The following IL1RAP variants were observed in gnomAD, a reference collection of about 807,000 sequenced individuals.
IL1RAP encodes the protein interleukin-1 receptor accessory protein.
IL1RAP carries 35 observed loss-of-function variants against 60.7 expected under a neutral mutation model. That is an observed-to-expected ratio of 0.58 (90% CI 0.44 to 0.76). The LOEUF is 0.76. IL1RAP is among the 30% of genes least tolerant of loss of function. The pLI, the probability that IL1RAP is intolerant of heterozygous loss-of-function variation, is 0.00. For synonymous variants in IL1RAP, 268 were observed against 250.9 expected (o/e 1.07, Z -0.64); for missense variants, 572 against 693.9 (o/e 0.82, Z 1.97).
rs912868972 is a variant in IL1RAP at position 190,556,148 on chromosome 3, C to T, written c.-70C>T. On this transcript the variant is annotated 5_prime_UTR_variant, in exon 2 of 12. Coordinates refer to ENST00000447382, the MANE Select transcript of IL1RAP (RefSeq NM_002182.4). ...TACATAGGCATCGTCATGTGATCAT[C>T]ACCTAAGAACTAGAACATCAGCAGG... 3.3e-5 allele frequency: 5 copies of T among 152,114 alleles called. No homozygotes were observed. The highest frequency in any genetic ancestry group is 1.2e-4 in the African/African-American group (5 of 41,418). 9.4% of individuals were successfully genotyped at this position (152,114 alleles called of 1,614,324 possible).
chr3:190,590,506 C>T (rs962993540), intron 3 of IL1RAP, among the ~76,000 whole-genome samples: 55 of 152,122 alleles, frequency 3.6e-4, no homozygotes, highest in African/African-American at 1.2e-3. Context: ...CTGCCCGCCT[C>T]GGCCTCCCAA....
intron 9 of IL1RAP, among the ~76,000 whole-genome samples, chr3:190,634,708 T>G (rs1358686991): frequency 1.7e-5 from 2 of 118,822 alleles, no homozygotes; most frequent in Non-Finnish European, 1.7e-5. Flanking sequence ...GCCTGTTGTG[T>G]TTTTTTTTTT....
intron 1 of IL1RAP, among the ~76,000 whole-genome samples, chr3:190,522,381 ATCTATGTATCTT>A (rs1258408687): frequency 7.0e-6 from 1 of 142,478 alleles, no homozygotes. Context: ...CCTTCCTATT[ATCTATGTATCTT>A]TCTATGTATC....
chr3:190,592,967 A>T (rs569853121), intron 3 of IL1RAP, among the ~76,000 whole-genome samples: 1 of 152,156 alleles, frequency 6.6e-6, no homozygotes, highest in African/African-American at 2.4e-5. Flanking sequence ...CAGTGTAAAT[A>T]CCTGGTGCCA....
intron 3 of IL1RAP, 22 bp downstream of exon 3, chr3:190,564,375 A>G (rs1367697196): frequency 2.6e-6 from 4 of 1,522,394 alleles, no homozygotes; most frequent in Admixed American, 1.7e-5. Flanking sequence ...GCTTTTGACA[A>G]TGTATTAAAA....
chr3:190,610,725 AT>A (rs1465563259), intron 5 of IL1RAP, among the ~76,000 whole-genome samples: 4 of 152,174 alleles, frequency 2.6e-5, no homozygotes, highest in Non-Finnish European at 4.4e-5. Context: ...CCCGAGAGAA[AT>A]AAAAAATTCC....
chr3:190,620,228 A>C (rs1283247806), intron 5 of IL1RAP, 47 bp from the exon 6 acceptor site: 1 of 1,057,312 alleles, frequency 9.5e-7, no homozygotes, highest in Non-Finnish European at 1.4e-6. Flanking sequence ...TATGTTTTCT[A>C]TGCATGTATC....
intron 3 of IL1RAP, among the ~76,000 whole-genome samples, chr3:190,573,064 CGTT>C (rs1727122115): frequency 7.3e-5 from 3 of 40,980 alleles, no homozygotes; most frequent in Non-Finnish European, 1.8e-4. Flanking sequence ...GGGGTTTCAC[CGTT>C]TTAGCCGGGA....
chr3:190,519,690 G>T (rs538103633), intron 1 of IL1RAP, among the ~76,000 whole-genome samples: 1 of 151,870 alleles, frequency 6.6e-6, no homozygotes, highest in Non-Finnish European at 1.5e-5. Context: ...ATCCTTTCTT[G>T]ATTCTCTCCA....
Position 190,656,660 on chromosome 3 carries a change from A to T in IL1RAP, c.*53A>T, listed in dbSNP as rs542742497. On this transcript the variant is annotated 3_prime_UTR_variant, in exon 12 of 12. Coordinates refer to the IL1RAP transcript ENST00000317757. ...TATCTCTACCAACCCTCTGTATGTC[A>T]TGAACCTGTGGGAAAATCTGACATT... 18 of 1,048,650 alleles carry T rather than the reference A, an allele frequency of 1.7e-5. No individual in the cohort carries two copies. The African/African-American group carries it at 2.1e-4, about 12-fold the overall frequency. The allele number at this position is 1,048,650 out of a possible 1,614,324, so 65.0% of individuals were successfully genotyped here.
intron 3 of IL1RAP, among the ~76,000 whole-genome samples, chr3:190,599,710 T>G (rs1560201929): frequency 1.3e-5 from 2 of 151,218 alleles, no homozygotes; most frequent in African/African-American, 4.8e-5. Flanking sequence ...GGTTTTTTTT[T>G]TTTTTTGAAA....
At chr3:190,634,509 T>C (rs1279781674) in intron 9 of IL1RAP, among the ~76,000 whole-genome samples, 1 of 152,050 alleles carries the variant, frequency 6.6e-6, no homozygotes, top group Non-Finnish European at 1.5e-5. Context: ...TTCATATCTT[T>C]GTTCATGAAG....
At chr3:190,631,453 C>T (rs1268470585) in intron 9 of IL1RAP, among the ~76,000 whole-genome samples, 1 of 152,126 alleles carries the variant, frequency 6.6e-6, no homozygotes, top group Non-Finnish European at 1.5e-5. Flanking sequence ...ATGATCTGTG[C>T]TGAAAGCTGA....
chr3:190,542,878 A>AT (rs1362195563), intron 1 of IL1RAP, among the ~76,000 whole-genome samples: 80 of 122,124 alleles, frequency 6.6e-4, no homozygotes, highest in Non-Finnish European at 8.1e-4. Flanking sequence ...AGATTAAGGG[A>AT]ATTTTTTTTT....
chr3:190,524,738 T>C (rs904028902), intron 1 of IL1RAP, among the ~76,000 whole-genome samples: 1 of 152,184 alleles, frequency 6.6e-6, no homozygotes, highest in African/African-American at 2.4e-5. Flanking sequence ...CAATGATACA[T>C]AAATAAGTAT....
intron 3 of IL1RAP, among the ~76,000 whole-genome samples, chr3:190,599,736 G>A (rs1429221643): frequency 6.7e-6 from 1 of 148,586 alleles, no homozygotes; most frequent in African/African-American, 2.5e-5. Context: ...GGTGCAGAGA[G>A]TTCTCTTATT....
At chr3:190,616,817 CA>C (rs1160370981) in intron 5 of IL1RAP, among the ~76,000 whole-genome samples, 1 of 152,146 alleles carries the variant, frequency 6.6e-6, no homozygotes, top group African/African-American at 2.4e-5. Flanking sequence ...TTTGATCAGG[CA>C]ACACTAACGT....
intron 3 of IL1RAP, among the ~76,000 whole-genome samples, chr3:190,588,136 A>G (rs1266350616): frequency 6.6e-6 from 1 of 152,032 alleles, no homozygotes; most frequent in East Asian, 1.9e-4. Flanking sequence ...TTTTTTTGAG[A>G]TGGCATCTCA....
chr3:190,539,846 T>A (rs1382448895), intron 1 of IL1RAP, among the ~76,000 whole-genome samples: 1 of 152,004 alleles, frequency 6.6e-6, no homozygotes, highest in East Asian at 1.9e-4. Context: ...TTAAAGCAGA[T>A]CTTGAATATG....
Sources: allele counts gnomAD v4.1 joint callset (sites outside exome capture counted in the v4.1 genomes callset), GRCh38; gene constraint gnomAD v4.1.1; transcripts MANE v1.5; gene names NCBI Gene and HGNC (gene_info 2026-07-23, HGNC 2026-07-21).